Variants in NRL observed in about 807,000 individuals in gnomAD.
NRL encodes neural retina-specific leucine zipper protein.
NRL carries 16 observed loss-of-function variants against 12.5 expected under a neutral mutation model. The observed-to-expected ratio is 1.28, with a 90% CI of 0.87 to 1.95. NRL has a LOEUF of 1.95. NRL is among the 30% of genes most tolerant of loss of function. The probability of loss-of-function intolerance (pLI) is 0.00; values close to 1 mark genes in which losing one functional copy is unlikely to be tolerated. For synonymous variants in NRL, 142 were observed against 150.9 expected, an observed-to-expected ratio of 0.94 and a Z score of 0.43; for missense variants, 314 against 325.8, an observed-to-expected ratio of 0.96 and a Z score of 0.28.
In NRL at chr14:24,080,681, C is replaced by G. The variant is rs1449775533; in HGVS notation, c.*555G>C. Reference sequence around the variant, plus strand: ...AACCCCCAGAGCTCACTCTTCAGGCCTTTGCTGCTCTGAGCCCTGAAGGCC... The same window carrying G: ...AACCCCCAGAGCTCACTCTTCAGGCGTTTGCTGCTCTGAGCCCTGAAGGCC... On this transcript the variant is annotated 3_prime_UTR_variant, in exon 3 of 3. Transcript: ENST00000561028. 1 of 152,618 alleles carries G rather than the reference C, an allele frequency of 6.6e-6. No homozygotes were observed. The highest frequency in any genetic ancestry group is 2.4e-5 in the African/African-American group (1 of 41,422). 9.5% of individuals were successfully genotyped at this position (152,618 alleles called of 1,614,324 possible).
At chr14:24,099,855 C>A in intron 1 of NRL, 1 of 1,554,368 alleles carries the variant, frequency 6.4e-7, no homozygotes, top group Non-Finnish European at 8.9e-7. Flanking sequence ...CTCTGGCAGC[C>A]CAGCCACCCG....
chr14:24,099,175 T>G, intron 1 of NRL: 1 of 1,609,208 alleles, frequency 6.2e-7, no homozygotes, highest in Non-Finnish European at 8.5e-7. Context: ...AAGAAGTGCT[T>G]TGCCCTACGC....
chr14:24,099,546 C>A, intron 1 of NRL: 1 of 1,566,984 alleles, frequency 6.4e-7, no homozygotes, highest in Non-Finnish European at 8.6e-7. Context: ...TCCCTCTCTC[C>A]CCAATGCACA....
chr14:24,102,669 C>T, intron 1 of NRL: 1 of 1,198,606 alleles, frequency 8.3e-7, no homozygotes, highest in Non-Finnish European at 1.2e-6. Context: ...AAAAAAGAAC[C>T]CTGCAAGAAT....
chr14:24,105,788 G>A (rs1367828866), intron 1 of NRL, among the ~76,000 whole-genome samples: 1 of 152,190 alleles, frequency 6.6e-6, no homozygotes, highest in Non-Finnish European at 1.5e-5. Context: ...CATGATGGCA[G>A]GTGCCTGTAA....
rs201887934 is a variant in NRL at position 24,100,032 on chromosome 14, T to C, written c.-28+14690A>G. 91 of 1,614,130 alleles carry C rather than the reference T, an allele frequency of 5.6e-5. No individual in the cohort carries two copies. In the East Asian group the frequency reaches 2.0e-3, roughly 36 times the overall value. ...CCATCAACCCTGAGAACGGCTTCTT[T>C]GGGGTTGCCCCTGGTACCTCTGCCA... is the stretch of plus-strand genomic sequence containing the variant. On this transcript the variant is annotated intron_variant, in intron 1 of 2. Coordinates refer to ENST00000561028, the MANE Select transcript of NRL (RefSeq NM_001354768.3).
intron 1 of NRL, among the ~76,000 whole-genome samples, chr14:24,091,111 G>T (rs1206555870): frequency 1.4e-5 from 2 of 146,946 alleles, no homozygotes; most frequent in African/African-American, 5.0e-5. Flanking sequence ...GGGACGAACA[G>T]AAAAGGCCTG....
At position 24,081,378 on chromosome 14, in the gene NRL, C is replaced by A; in HGVS notation, c.572G>T (p.Arg191Leu). The A allele has an allele frequency of 7.0e-7, 1 of 1,438,136 alleles. No homozygotes were observed. Among genetic ancestry groups the A allele is most frequent in the Non-Finnish European group, 9.1e-7 (1 of 1,098,818 alleles). 89.1% of individuals were successfully genotyped at this position (1,438,136 alleles called of 1,614,324 possible). The change falls in exon 3 of 3, where the codon CGC becomes CTC. Residue 191 changes from arginine (R) to leucine (L), a missense_variant. Coordinates refer to ENST00000561028, the MANE Select transcript of NRL (RefSeq NM_001354768.3). This position sits in a 1 kb window ranked among gnomAD's most constrained non-coding sequence, Gnocchi z 4.4. Reference protein sequence around the residue: ...LQQRRGLEAERARLAAQLDAL... With the variant: ...LQQRRGLEAELARLAAQLDAL... ...GTCCAGCTGGGCGGCCAGGCGGGCG[C>A]GCTCGGCCTCCAGCCCGCGCCGCTG...
chr14:24,110,215 C>T (rs2037398620), intron 1 of NRL: 1 of 190,988 alleles, frequency 5.2e-6, no homozygotes, highest in African/African-American at 2.4e-5. Flanking sequence ...TGACCAGACT[C>T]AGGTGATCCT....
chr14:24,103,890 C>A, intron 1 of NRL: 1 of 1,614,146 alleles, frequency 6.2e-7, no homozygotes, highest in Non-Finnish European at 8.5e-7. Context: ...CCTGACAGAG[C>A]AGGTCAACCA....
intron 1 of NRL, chr14:24,103,290 G>C (rs752067404): frequency 6.6e-7 from 1 of 1,526,224 alleles, no homozygotes; most frequent in African/African-American, 1.4e-5. Context: ...TCTCCTGTGT[G>C]TGCACACAGC....
In NRL at chr14:24,078,996, G is replaced by T. The variant is rs964389187; in HGVS notation, c.*2240C>A. On this transcript the variant is annotated 3_prime_UTR_variant, in exon 3 of 3. Transcript: ENST00000561028. ...TTATTTTATTTTTTTGTAGTGACAG[G>T]GTTCTCGCTATGTTGCCCAGGCTGG... Among the ~76,000 whole-genome samples the T allele has an allele frequency of 2.6e-5, 4 of 152,122 alleles. No individual in the cohort carries two copies. Among genetic ancestry groups the T allele is most frequent in the African/African-American group, 9.7e-5 (4 of 41,414 alleles).
intron 1 of NRL, chr14:24,103,199 G>C: frequency 6.2e-7 from 1 of 1,614,122 alleles, no homozygotes; most frequent in Non-Finnish European, 8.5e-7. Flanking sequence ...TGGCGTCATG[G>C]GGTGTTTGTG....
Position 24,081,793 on chromosome 14 carries a change from CACGGTG to C in NRL, c.382-231_382-226del, listed in dbSNP as rs1441035004. The C allele has an allele frequency of 1.3e-6, 2 of 1,513,580 alleles. No individual in the cohort carries two copies. Among genetic ancestry groups the C allele is most frequent in the Admixed American group, 4.0e-5 (2 of 49,532 alleles). The allele number at this position is 1,513,580 out of a possible 1,614,324, so 93.8% of individuals were successfully genotyped here. On this transcript the variant is annotated intron_variant, in intron 2 of 2. Coordinates refer to ENST00000561028, the MANE Select transcript of NRL (RefSeq NM_001354768.3). This position sits in a 1 kb window ranked among gnomAD's most constrained non-coding sequence, Gnocchi z 4.4. ...CGTTGCTCCAGTCAGGCGGGCGCCCCACGGTGCAGGGCCGGCCACGGTCAGGCGAGC... is the reference window on the plus strand; with the variant it reads ...CGTTGCTCCAGTCAGGCGGGCGCCCCCAGGGCCGGCCACGGTCAGGCGAGC...
At chr14:24,099,211 A>C in intron 1 of NRL, 1 of 1,599,064 alleles carries the variant, frequency 6.3e-7, no homozygotes, top group Non-Finnish European at 8.5e-7. Flanking sequence ...GCCCGGGATG[A>C]GGGCTGGCTG....
At chr14:24,089,843 G>A (rs1217510922) in intron 1 of NRL, among the ~76,000 whole-genome samples, 1 of 152,162 alleles carries the variant, frequency 6.6e-6, no homozygotes, top group Non-Finnish European at 1.5e-5. Context: ...GGGAATTCCA[G>A]GCGGCAGAAA....
intron 1 of NRL, among the ~76,000 whole-genome samples, chr14:24,111,090 T>C (rs926551440): frequency 2.0e-5 from 3 of 152,046 alleles, no homozygotes; most frequent in African/African-American, 4.8e-5. Context: ...CAAGATTCCC[T>C]CCTTCATCCT....
In NRL at chr14:24,094,342, C is replaced by A. The variant is rs1594277552; in HGVS notation, c.-27-11467G>T. On this transcript the variant is annotated intron_variant, in intron 1 of 2. Coordinates refer to ENST00000561028, the MANE Select transcript of NRL (RefSeq NM_001354768.3). The surrounding 1 kb of genome is among the most constrained non-coding windows in gnomAD (Gnocchi z 4.1). ...CGCTTCGCCGCGCTCCCTCCTTCCC[C>A]GCCTTCCATACCTCCCCGGCTCCGC... is the stretch of plus-strand genomic sequence containing the variant. 2.7e-6 allele frequency: 4 copies of A among 1,471,036 alleles called. No individual in the cohort carries two copies. Among genetic ancestry groups the A allele is most frequent in the Non-Finnish European group, 3.7e-6 (4 of 1,088,978 alleles). The allele number at this position is 1,471,036 out of a possible 1,614,324, so 91.1% of individuals were successfully genotyped here. A position where few individuals can be genotyped will look rare whatever the true frequency, so the allele number is the denominator to read the frequency against.
rs1022090356 is a variant in NRL, at chr14:24,103,147, A to G, written c.-28+11575T>C. ...AAAAGGGCTGCCTGTGACTCTGTTC[A>G]TTGGTGATCTAGGGGTACCCCTGGT... On this transcript the variant is annotated intron_variant, in intron 1 of 2. Coordinates refer to ENST00000561028, the MANE Select transcript of NRL (RefSeq NM_001354768.3). 1.9e-6 allele frequency: 3 copies of G among 1,602,792 alleles called. No homozygotes were observed. The South Asian group carries it at 3.3e-5, about 18-fold the overall frequency.
Sources: gnomAD v4.1 joint callset for allele counts (sites outside exome capture counted in the v4.1 genomes callset) on GRCh38, gnomAD v4.1.1 for gene constraint, Gnocchi (gnomAD v3.1) non-coding constraint, MANE v1.5 for transcripts, NCBI Gene and HGNC (gene_info 2026-07-23, HGNC 2026-07-21) for gene names.